MFAP3: variants seen among roughly 807,000 people sequenced by gnomAD.
The protein encoded by MFAP3 is microfibril-associated glycoprotein 3.
MFAP3 carries 8 observed loss-of-function variants against 20.5 expected under a neutral mutation model. The ratio of observed to expected loss-of-function variants is 0.39; its 90% CI spans 0.23 to 0.70. MFAP3 has a LOEUF of 0.70. Among genes scored for constraint, MFAP3 ranks in the 30% least tolerant of loss-of-function variants. The pLI, the probability that MFAP3 is intolerant of heterozygous loss-of-function variation, is 0.44. For missense variants in MFAP3, 398 were observed against 444.6 expected (o/e 0.90, Z 0.94); for synonymous variants, 140 against 154.0 (o/e 0.91, Z 0.67).
At chr5:154,052,297 A>G (rs1214196494) in intron 2 of MFAP3, among the ~76,000 whole-genome samples, 2 of 151,958 alleles carry the variant, frequency 1.3e-5, no homozygotes, top group African/African-American at 2.4e-5. Context: ...AAAATCAACA[A>G]AAGTTTCTTA....
Position 154,053,667 on chromosome 5 carries a change from C to G in MFAP3, c.1043C>G (p.Ser348Cys), listed in dbSNP as rs183421876. The G allele has an allele frequency of 1.4e-5, 22 of 1,613,684 alleles. 2 individuals are homozygous for G. The Admixed American group carries it at 3.7e-4, about 27-fold the overall frequency. ...SPPDDIGSAESNCNYKDGAYE... is the reference protein window; with the variant it reads ...SPPDDIGSAECNCNYKDGAYE... ...CCTGATGATATAGGATCTGCAGAATCTAACTGTAACTACAAAGATGGGGCA... is the reference window on the plus strand; with the variant it reads ...CCTGATGATATAGGATCTGCAGAATGTAACTGTAACTACAAAGATGGGGCA... The change falls in exon 3 of 3, where the codon TCT becomes TGT. Residue 348 changes from serine (S) to cysteine (C), a missense_variant. By Grantham distance (112) the Ser-to-Cys change is moderately radical. Transcript: ENST00000522782.
intron 2 of MFAP3, among the ~76,000 whole-genome samples, chr5:154,052,402 T>G (rs1773218867): frequency 1.3e-5 from 2 of 152,010 alleles, no homozygotes; most frequent in South Asian, 4.2e-4. Context: ...TTAAAATAAT[T>G]TCTTCTTGTT....
At chr5:154,043,745 T>A (rs951251034) in intron 1 of MFAP3, among the ~76,000 whole-genome samples, 10 of 151,300 alleles carry the variant, frequency 6.6e-5, no homozygotes, top group South Asian at 2.1e-4. Context: ...TATATATATT[T>A]TTTTTTCCAA....
chr5:154,050,213 G>T (rs1475297443), intron 2 of MFAP3, among the ~76,000 whole-genome samples, 196 bp downstream of exon 2: 1 of 152,060 alleles, frequency 6.6e-6, no homozygotes, highest in Non-Finnish European at 1.5e-5. Context: ...AGAAAAAAAA[G>T]AATCATTCTA....
chr5:154,053,604 T>C lies in MFAP3; in HGVS notation c.980T>C (p.Ile327Thr). The change falls in exon 3 of 3, where the codon ATT (isoleucine) becomes ACT (threonine). Residue 327 changes from isoleucine (I) to threonine (T), a missense_variant. By Grantham distance (89) the Ile-to-Thr change is moderately conservative. Coordinates refer to ENST00000522782, the MANE Select transcript of MFAP3 (RefSeq NM_005927.5). ...SVHLQSETKS[I>T]DTESQGSSHF... Reference sequence around the variant, plus strand: ...CACCTTCAGTCAGAAACCAAAAGTATTGATACAGAGTCTCAAGGCAGCAGT... The same window carrying C: ...CACCTTCAGTCAGAAACCAAAAGTACTGATACAGAGTCTCAAGGCAGCAGT... The C allele has an allele frequency of 6.2e-7, 1 of 1,614,006 alleles. No homozygotes were observed. The highest frequency in any genetic ancestry group is 8.5e-7 in the Non-Finnish European group (1 of 1,179,928).
chr5:154,052,492 T>C (rs1773221720), intron 2 of MFAP3, among the ~76,000 whole-genome samples: 2 of 152,190 alleles, frequency 1.3e-5, no homozygotes, highest in African/African-American at 4.8e-5. Context: ...AATACTGTTA[T>C]TTTAAACCAT....
intron 1 of MFAP3, among the ~76,000 whole-genome samples, chr5:154,042,383 C>T (rs1772975091): frequency 6.6e-6 from 1 of 152,180 alleles, no homozygotes; most frequent in Non-Finnish European, 1.5e-5. Flanking sequence ...GACGATGTTT[C>T]TCCAGGTGCC....
intron 1 of MFAP3, among the ~76,000 whole-genome samples, chr5:154,046,556 A>G (rs966848594): frequency 6.6e-6 from 1 of 152,108 alleles, no homozygotes; most frequent in African/African-American, 2.4e-5. Flanking sequence ...GGTGAAGGAG[A>G]AGCCATCCTT....
At position 154,053,965 on chromosome 5, in the gene MFAP3, C is replaced by T; in HGVS notation, c.*252C>T. 4.8e-6 allele frequency: 2 copies of T among 415,172 alleles called. No homozygotes were observed. The highest frequency in any genetic ancestry group is 4.0e-5 in the South Asian group (1 of 25,204). The allele number at this position is 415,172 out of a possible 1,614,324, so 25.7% of individuals were successfully genotyped here. A position where few individuals can be genotyped will look rare whatever the true frequency, so the allele number is the denominator to read the frequency against. On this transcript the variant is annotated 3_prime_UTR_variant, in exon 3 of 3. Transcript: ENST00000522782. ...AAGATTTAAAGGAGCCCCAGATAAA[C>T]ATGATGGGGAAAAGCACTGAACTAA...
At chr5:154,039,859 T>C (rs913552475) in intron 1 of MFAP3, among the ~76,000 whole-genome samples, 3 of 152,226 alleles carry the variant, frequency 2.0e-5, no homozygotes, top group African/African-American at 7.2e-5. Context: ...CTCGGAATTA[T>C]CATCTTAATT....
At chr5:154,052,795 G>A (rs1773230168) in intron 2 of MFAP3, 125 bp from the exon 3 acceptor site, 1 of 807,196 alleles carries the variant, frequency 1.2e-6, no homozygotes, top group African/African-American at 1.7e-5. Flanking sequence ...TTAAACAAAT[G>A]GTAGAATCTA....
intron 1 of MFAP3, among the ~76,000 whole-genome samples, chr5:154,044,901 A>G (rs1169809015): frequency 6.7e-6 from 1 of 150,226 alleles, no homozygotes; most frequent in African/African-American, 2.5e-5. Flanking sequence ...TGTGGTTTTA[A>G]TTTTGAGTAA....
Position 154,056,773 on chromosome 5 carries a change from A to G in MFAP3, c.*3060A>G, listed in dbSNP as rs1388227140. ...CCCACTTGAGTTTATAGACTGTTTG[A>G]TAACTGCCTGTCCTCCAAATTGTGT... On this transcript the variant is annotated 3_prime_UTR_variant, in exon 3 of 3. Transcript: ENST00000522782. Among the ~76,000 whole-genome samples the G allele has an allele frequency of 6.6e-6, 1 of 152,212 alleles. No individual in the cohort carries two copies. The highest frequency in any genetic ancestry group is 1.5e-5 in the Non-Finnish European group (1 of 68,038).
chr5:154,054,375 A>G lies in MFAP3; in HGVS notation c.*662A>G, dbSNP rs1773280858. On this transcript the variant is annotated 3_prime_UTR_variant, in exon 3 of 3. Coordinates refer to ENST00000522782, the MANE Select transcript of MFAP3 (RefSeq NM_005927.5). ...ATGTCTGTAGGGTTATACAGATGTC[A>G]GAGAGCTAACTGCTCTGTAAACTAC... 1 of 166,974 alleles carries G rather than the reference A, an allele frequency of 6.0e-6. No individual in the cohort carries two copies. Among genetic ancestry groups the G allele is most frequent in the South Asian group, 2.1e-4 (1 of 4,832 alleles). 10.3% of individuals were successfully genotyped at this position (166,974 alleles called of 1,614,324 possible).
chr5:154,047,114 G>T (rs760918269), intron 1 of MFAP3, among the ~76,000 whole-genome samples: 4 of 152,088 alleles, frequency 2.6e-5, no homozygotes, highest in African/African-American at 9.7e-5. Context: ...TACCTTGAGT[G>T]CTTTCCTCCC....
intron 1 of MFAP3, among the ~76,000 whole-genome samples, chr5:154,046,883 G>A (rs902298944): frequency 6.6e-6 from 1 of 152,098 alleles, no homozygotes; most frequent in Non-Finnish European, 1.5e-5. Context: ...GTTGTTTGAC[G>A]TCTTCATCAT....
rs689715 is a variant in MFAP3, at chr5:154,049,627, T to C, written c.-96T>C. On this transcript the variant is annotated 5_prime_UTR_variant, in exon 2 of 3. Transcript: ENST00000522782. ...TGGATCTACCACTTGTTTGGAAAAT[T>C]TCTCTACCAAGCAATAAATTACCCG... is the stretch of plus-strand genomic sequence containing the variant. 8.1e-7 allele frequency: 1 copy of C among 1,237,998 alleles called. No homozygotes were observed. The highest frequency in any genetic ancestry group is 2.4e-5 in the East Asian group (1 of 41,376). The allele number at this position is 1,237,998 out of a possible 1,614,324, so 76.7% of individuals were successfully genotyped here. A position where few individuals can be genotyped will look rare whatever the true frequency, so the allele number is the denominator to read the frequency against.
intron 2 of MFAP3, 64 bp downstream of exon 2, chr5:154,050,081 A>G: frequency 6.7e-7 from 1 of 1,500,896 alleles, no homozygotes; most frequent in Non-Finnish European, 8.9e-7. Context: ...TTATTTTTTA[A>G]CACGTTAAAC....
At position 154,049,858 on chromosome 5, in the gene MFAP3, T is replaced by TCAG; in HGVS notation, c.138_139insGCA (p.Ser46_Ser47insAla). 1 of 1,613,742 alleles carries TCAG rather than the reference T, an allele frequency of 6.2e-7. No homozygotes were observed. The highest frequency in any genetic ancestry group is 8.5e-7 in the Non-Finnish European group (1 of 1,179,744). ...TAGTTCTTACAATGCATCCTTTCCC[T>TCAG]CAAGCTTTGAACTCTCAGCAAGTTC... On this transcript the variant is annotated inframe_insertion, in exon 2 of 3. Transcript: ENST00000522782.
Sources: allele counts gnomAD v4.1 joint callset (sites outside exome capture counted in the v4.1 genomes callset), GRCh38; gene constraint gnomAD v4.1.1; transcripts MANE v1.5; gene names NCBI Gene and HGNC (gene_info 2026-07-23, HGNC 2026-07-21).